KDM6A: variants seen among roughly 807,000 people sequenced by gnomAD.
KDM6A encodes lysine-specific demethylase 6A.
KDM6A carries 11 observed loss-of-function variants against 117.6 expected under a neutral mutation model. That is an observed-to-expected ratio of 0.09 (90% CI 0.06 to 0.15). The LOEUF (loss-of-function observed/expected upper bound fraction) is 0.15. KDM6A is among the 10% of genes least tolerant of loss of function. The pLI, the probability that KDM6A is intolerant of heterozygous loss-of-function variation, is 1.00. For synonymous variants in KDM6A, 384 were observed against 396.1 expected (o/e 0.97, Z 0.36); for missense variants, 799 against 1,077.3 (o/e 0.74, Z 3.62).
At chrX:44,977,094 A>G (rs2039650451) in intron 4 of KDM6A, among the ~76,000 whole-genome samples, 1 of 111,591 alleles carries the variant, frequency 9.0e-6, no homozygotes, top group African/African-American at 3.3e-5. Flanking sequence ...GCTTTGTAAC[A>G]CAACTTTTTA....
chrX:44,915,486 A>G (rs1251077701), intron 2 of KDM6A, among the ~76,000 whole-genome samples: 1 of 112,160 alleles, frequency 8.9e-6, no homozygotes, highest in Admixed American at 9.5e-5. Flanking sequence ...TTATCGTAGA[A>G]GAGCGGTATA....
intron 8 of KDM6A, among the ~76,000 whole-genome samples, chrX:45,038,720 G>T (rs1410247599): frequency 9.1e-6 from 1 of 109,959 alleles, no homozygotes; most frequent in African/African-American, 3.3e-5. Context: ...GTATACCTAT[G>T]TAACAAACCT....
At chrX:44,944,781 C>T (rs895711071) in intron 2 of KDM6A, among the ~76,000 whole-genome samples, 2 of 112,007 alleles carry the variant, frequency 1.8e-5, no homozygotes, top group African/African-American at 6.5e-5. Flanking sequence ...TATGTCCTTG[C>T]TAAACTCAGT....
chrX:44,970,918 A>C (rs777778962), intron 3 of KDM6A, among the ~76,000 whole-genome samples: 1 of 111,432 alleles, frequency 9.0e-6, no homozygotes, highest in South Asian at 3.8e-4. Flanking sequence ...GTTCACATCC[A>C]TTAGTAGACA....
At chrX:45,081,813 C>G (rs1045486280) in intron 21 of KDM6A, among the ~76,000 whole-genome samples, 25 of 109,903 alleles carry the variant, frequency 2.3e-4, no homozygotes, top group African/African-American at 8.3e-4. Flanking sequence ...GAGTCTCACT[C>G]TGTCGCCCAG....
chrX:44,973,016 CAG>C (rs900814812), intron 3 of KDM6A, among the ~76,000 whole-genome samples: 12 of 100,544 alleles, frequency 1.2e-4, no homozygotes, highest in Admixed American at 1.1e-3. Flanking sequence ...GCCTGGGCAA[CAG>C]AGTGAGACCC....
intron 2 of KDM6A, among the ~76,000 whole-genome samples, chrX:44,958,001 CAT>C (rs1436467523): frequency 2.7e-5 from 3 of 111,128 alleles, no homozygotes; most frequent in African/African-American, 6.5e-5. Flanking sequence ...TCAATAACCA[CAT>C]GTGTCTAAAT....
intron 9 of KDM6A, among the ~76,000 whole-genome samples, chrX:45,052,055 G>A (rs1414735157): frequency 8.9e-6 from 1 of 111,949 alleles, no homozygotes; most frequent in Non-Finnish European, 1.9e-5. Flanking sequence ...AAGGAGGATT[G>A]AATACTTCGT....
chrX:44,949,363 C>T (rs2037844868), intron 2 of KDM6A, among the ~76,000 whole-genome samples: 1 of 111,780 alleles, frequency 8.9e-6, no homozygotes, highest in Non-Finnish European at 1.9e-5. Context: ...CCTCTGCACC[C>T]TAGCCTCGGT....
intron 2 of KDM6A, among the ~76,000 whole-genome samples, chrX:44,883,521 C>T (rs758342718): frequency 2.4e-4 from 26 of 110,484 alleles, no homozygotes; most frequent in Non-Finnish European, 3.4e-4. Flanking sequence ...TACAAGCGTG[C>T]GCCACCATGC....
intron 5 of KDM6A, among the ~76,000 whole-genome samples, chrX:45,012,197 A>ATTTT (rs760991442): frequency 1.2e-4 from 8 of 69,069 alleles, no homozygotes; most frequent in Non-Finnish European, 1.6e-4. Context: ...CCCAATGTAG[A>ATTTT]TTTTTTTTTT....
intron 5 of KDM6A, among the ~76,000 whole-genome samples, chrX:45,020,017 A>G (rs192102541): frequency 3.6e-5 from 4 of 111,591 alleles, no homozygotes; most frequent in East Asian, 5.6e-4. Context: ...TTGATTTAGG[A>G]CACAGTAGCA....
intron 2 of KDM6A, among the ~76,000 whole-genome samples, chrX:44,920,294 G>T (rs5952272): frequency 0.22 from 24,020 of 110,359 alleles, 4,345 homozygotes; most frequent in African/African-American, 0.61. Context: ...ATTTATTATA[G>T]CCTCTTGATG....
intron 8 of KDM6A, among the ~76,000 whole-genome samples, chrX:45,045,048 A>G (rs780786030): frequency 8.9e-6 from 1 of 111,868 alleles, no homozygotes; most frequent in African/African-American, 3.2e-5. Context: ...GTTTGTGATA[A>G]ATATGTAGGG....
At chrX:44,947,097 A>G (rs781547303) in intron 2 of KDM6A, among the ~76,000 whole-genome samples, 3 of 112,118 alleles carry the variant, frequency 2.7e-5, no homozygotes, top group African/African-American at 9.7e-5. Context: ...TGTGATTAAA[A>G]TATTGCATTA....
intron 6 of KDM6A, among the ~76,000 whole-genome samples, chrX:45,029,561 G>A (rs756519607): frequency 1.7e-4 from 18 of 107,834 alleles, no homozygotes; most frequent in Non-Finnish European, 2.3e-4. Flanking sequence ...GCAGTGAGCC[G>A]AGATTGCACC....
At chrX:45,084,237 G>T (rs1225455999) in intron 24 of KDM6A, among the ~76,000 whole-genome samples, 1 of 111,938 alleles carries the variant, frequency 8.9e-6, no homozygotes, top group African/African-American at 3.2e-5. Context: ...TTTATAAAGT[G>T]AATTACATTG....
At chrX:44,969,086 A>C (rs1464447986) in intron 3 of KDM6A, among the ~76,000 whole-genome samples, 1 of 111,737 alleles carries the variant, frequency 8.9e-6, no homozygotes, top group Non-Finnish European at 1.9e-5. Context: ...TTCAGAAGTA[A>C]AAAATTAGAG....
In KDM6A at chrX:45,060,280, T is replaced by A. The variant is rs1328667011; in HGVS notation, c.1329+124T>A. On this transcript the variant is annotated intron_variant, in intron 13 of 29. Transcript: ENST00000611820. Reference sequence around the variant, plus strand: ...GTAATGAAAAGCCTTTTGATTTAATTGCAAAGGGAATCTAGATCAAAATAA... The same window carrying A: ...GTAATGAAAAGCCTTTTGATTTAATAGCAAAGGGAATCTAGATCAAAATAA... 2.2e-5 allele frequency: 23 copies of A among 1,067,196 alleles called. 1 individual carries two copies. Among genetic ancestry groups the A allele is most frequent in the Non-Finnish European group, 1.8e-5 (14 of 788,831 alleles). 87.9% of individuals were successfully genotyped at this position (1,067,196 alleles called of 1,213,427 possible).
Sources: allele counts gnomAD v4.1 joint callset (sites outside exome capture counted in the v4.1 genomes callset), GRCh38; gene constraint gnomAD v4.1.1; transcripts MANE v1.5; gene names NCBI Gene and HGNC (gene_info 2026-07-23, HGNC 2026-07-21).